The following PTPRD variants were observed in gnomAD, a reference collection of about 807,000 sequenced individuals.
The protein encoded by PTPRD is receptor-type tyrosine-protein phosphatase delta.
A neutral mutation model predicts 214.5 loss-of-function variants in PTPRD; 34 were observed. That is an observed-to-expected ratio of 0.16 (90% CI 0.12 to 0.21). The LOEUF is 0.21. Ranked by LOEUF, PTPRD falls within the 10% of genes least tolerant of loss-of-function variation. PTPRD has a pLI of 1.00. For synonymous variants in PTPRD, 1,128 were observed against 845.7 expected (o/e 1.33, Z -5.79); for missense variants, 2,545 against 2,398.7 (o/e 1.06, Z -1.27).
intron 39 of PTPRD, among the ~76,000 whole-genome samples, chr9:8,370,207 T>TATACAC (rs1183827035): frequency 8.5e-5 from 7 of 82,076 alleles, no homozygotes; most frequent in African/African-American, 2.6e-4. Flanking sequence ...CATATATATA[T>TATACAC]ACACACACAC....
chr9:8,438,284 G>A (rs557195471), intron 34 of PTPRD, among the ~76,000 whole-genome samples: 3 of 152,282 alleles, frequency 2.0e-5, no homozygotes, highest in South Asian at 4.1e-4. Flanking sequence ...CCTGCTTTTT[G>A]AAGACAACCA....
chr9:10,533,512 G>T (rs1229186277), intron 2 of PTPRD, among the ~76,000 whole-genome samples: 2 of 149,046 alleles, frequency 1.3e-5, no homozygotes, highest in African/African-American at 4.9e-5. Context: ...CCATTGTATT[G>T]AAATTAGTCT....
chr9:9,664,466 C>A (rs563596762), intron 7 of PTPRD, among the ~76,000 whole-genome samples: 1 of 151,704 alleles, frequency 6.6e-6, no homozygotes, highest in East Asian at 1.9e-4. Context: ...GACATATCTG[C>A]CCGGACATGC....
intron 3 of PTPRD, among the ~76,000 whole-genome samples, chr9:10,212,145 G>A (rs922466148): frequency 1.1e-4 from 17 of 152,004 alleles, no homozygotes; most frequent in African/African-American, 3.9e-4. Flanking sequence ...CAACTTCAGA[G>A]GTTTTCTCAC....
At position 8,665,779 on chromosome 9, in the gene PTPRD, G is replaced by C. The variant is rs150279014; in HGVS notation, c.65-28935C>G. Among the ~76,000 whole-genome samples, 52 of 152,284 alleles carry C rather than the reference G, an allele frequency of 3.4e-4. No individual in the cohort carries two copies. The East Asian group carries it at 9.8e-3, about 29-fold the overall frequency. ...TCCCTTTGCAAGAAGGAAGAAGCTT[G>C]AATTTAAGCAGTTCTTTTAAAAATT... is the stretch of plus-strand genomic sequence containing the variant. On this transcript the variant is annotated intron_variant, in intron 12 of 45. Transcript: ENST00000381196.
At chr9:10,467,631 ATATG>A (rs1188718518) in intron 2 of PTPRD, among the ~76,000 whole-genome samples, 4 of 151,930 alleles carry the variant, frequency 2.6e-5, no homozygotes, top group African/African-American at 9.7e-5. Context: ...ATATCAATAT[ATATG>A]TATGACAAAA....
chr9:10,062,250 G>C (rs1012027307), intron 3 of PTPRD, among the ~76,000 whole-genome samples: 1 of 152,040 alleles, frequency 6.6e-6, no homozygotes, highest in Non-Finnish European at 1.5e-5. Context: ...TCCACAGCGT[G>C]ATAAGTAATT....
At chr9:10,416,704 G>A (rs138315838) in intron 2 of PTPRD, among the ~76,000 whole-genome samples, 338 of 151,856 alleles carry the variant, frequency 2.2e-3, no homozygotes, top group African/African-American at 7.8e-3. Flanking sequence ...ACGGTATCTA[G>A]TACCGTAATA....
chr9:8,870,939 G>T (rs1414357416), intron 11 of PTPRD, among the ~76,000 whole-genome samples: 2 of 152,164 alleles, frequency 1.3e-5, no homozygotes, highest in Non-Finnish European at 1.5e-5. Context: ...ATCCAAAAGG[G>T]TAGAAAGGCT....
At chr9:9,147,401 C>T (rs924923333) in intron 10 of PTPRD, among the ~76,000 whole-genome samples, 58 of 151,002 alleles carry the variant, frequency 3.8e-4, no homozygotes, top group African/African-American at 1.4e-3. Context: ...AGTGTGAGGC[C>T]CTTATTTGGC....
chr9:8,451,195 C>T (rs1361104887), intron 33 of PTPRD, among the ~76,000 whole-genome samples: 1 of 152,170 alleles, frequency 6.6e-6, no homozygotes, highest in East Asian at 1.9e-4. Context: ...AGTGCAGTGC[C>T]TTTGGCAAAA....
At chr9:9,249,760 C>A (rs186306973) in intron 9 of PTPRD, among the ~76,000 whole-genome samples, 1 of 152,152 alleles carries the variant, frequency 6.6e-6, no homozygotes, top group African/African-American at 2.4e-5. Flanking sequence ...GCAAACAGCA[C>A]TTTGTTGGCT....
chr9:8,857,392 G>C (rs998942508), intron 11 of PTPRD, among the ~76,000 whole-genome samples: 2 of 152,172 alleles, frequency 1.3e-5, no homozygotes, highest in Non-Finnish European at 1.5e-5. Context: ...CCATTCTCTA[G>C]AGTCGCCTCT....
intron 14 of PTPRD, among the ~76,000 whole-genome samples, chr9:8,629,222 T>C (rs1172224287): frequency 6.6e-6 from 1 of 151,836 alleles, no homozygotes; most frequent in Admixed American, 6.6e-5. Context: ...GGAGGTTATG[T>C]AAGTAAGAAT....
At chr9:9,175,530 G>A (rs1475749389) in intron 10 of PTPRD, among the ~76,000 whole-genome samples, 1 of 150,128 alleles carries the variant, frequency 6.7e-6, no homozygotes, top group Non-Finnish European at 1.5e-5. Context: ...GGCTGAGGCA[G>A]GAGAATCGCT....
At chr9:8,978,640 C>T (rs1314147179) in intron 11 of PTPRD, among the ~76,000 whole-genome samples, 2 of 152,054 alleles carry the variant, frequency 1.3e-5, no homozygotes, top group East Asian at 1.9e-4. Flanking sequence ...GAAACTTACT[C>T]CCCACCACCC....
rs114578721 is a variant in PTPRD, at chr9:8,651,368, T to C, written c.65-14524A>G. ...ATGTACAAGCAAGCAGTGATAATAA[T>C]AGATGATAACCCAAGGCCATGAACT... On this transcript the variant is annotated intron_variant, in intron 12 of 45. Transcript: ENST00000381196. Among the ~76,000 whole-genome samples the C allele has an allele frequency of 5.2e-3, 793 of 152,170 alleles. 2 individuals carry two copies. Among genetic ancestry groups the C allele is most frequent in the African/African-American group, 0.018 (737 of 41,506 alleles).
chr9:8,918,263 T>C (rs2098800751), intron 11 of PTPRD, among the ~76,000 whole-genome samples: 1 of 152,090 alleles, frequency 6.6e-6, no homozygotes, highest in Admixed American at 6.6e-5. Context: ...AATCAAACTC[T>C]TAAAATAGAG....
At chr9:10,327,415 A>C (rs9987444) in intron 3 of PTPRD, among the ~76,000 whole-genome samples, 48,347 of 151,158 alleles carry the variant, frequency 0.32, 8,987 homozygotes, top group African/African-American at 0.51. Flanking sequence ...ACATACTATT[A>C]TCTATCACTT....
Sources: allele counts gnomAD v4.1 joint callset (sites outside exome capture counted in the v4.1 genomes callset), GRCh38; gene constraint gnomAD v4.1.1; transcripts MANE v1.5; gene names NCBI Gene and HGNC (gene_info 2026-07-23, HGNC 2026-07-21).